The following SPRED2 variants were observed in gnomAD, a reference collection of about 807,000 sequenced individuals.
The protein encoded by SPRED2 is sprouty-related, EVH1 domain-containing protein 2.
In SPRED2, 47 loss-of-function variants were observed where a neutral mutation model predicts 43.0. That is an observed-to-expected ratio of 1.09 (90% confidence interval 0.87 to 1.40). The LOEUF (loss-of-function observed/expected upper bound fraction) is 1.40. Among genes scored for constraint, SPRED2 ranks in the 40% most tolerant of loss-of-function variants. The pLI, the probability that SPRED2 is intolerant of heterozygous loss-of-function variation, is 0.00. For synonymous variants in SPRED2, 225 were observed against 225.7 expected, an observed-to-expected ratio of 1.00 and a Z score of 0.03; for missense variants, 561 against 586.4, an observed-to-expected ratio of 0.96 and a Z score of 0.45.
chr2:65,314,216 A>G (rs970569398), intron 5 of SPRED2, 47 bp from the exon 6 acceptor site: 11 of 1,509,888 alleles, frequency 7.3e-6, no homozygotes, highest in Middle Eastern at 1.8e-4. Context: ...CGGCCAAAAA[A>G]CAAACAAACA....
intron 5 of SPRED2, among the ~76,000 whole-genome samples, chr2:65,316,483 T>TCTATAAC (rs1673236873): frequency 6.6e-6 from 1 of 152,208 alleles, no homozygotes; most frequent in South Asian, 2.1e-4. Context: ...AAGACTTGCC[T>TCTATAAC]TGTGGGGCAG....
At chr2:65,350,791 C>T (rs981797972) in intron 1 of SPRED2, among the ~76,000 whole-genome samples, 4 of 152,204 alleles carry the variant, frequency 2.6e-5, no homozygotes, top group African/African-American at 9.7e-5. Flanking sequence ...AAGCAGGCCC[C>T]GTCTGGGCCA....
At chr2:65,399,322 C>T (rs375358398) in intron 1 of SPRED2, among the ~76,000 whole-genome samples, 129 of 149,168 alleles carry the variant, frequency 8.6e-4, no homozygotes, top group African/African-American at 3.1e-3. Context: ...ACTACTCAGT[C>T]ATAAAAACGA....
chr2:65,429,351 T>C (rs909616919), intron 1 of SPRED2, among the ~76,000 whole-genome samples: 2 of 152,230 alleles, frequency 1.3e-5, no homozygotes, highest in Non-Finnish European at 1.5e-5. Context: ...TAGCAAACCC[T>C]GCCTGGTTCC....
intron 2 of SPRED2, among the ~76,000 whole-genome samples, chr2:65,337,936 G>T (rs1674014963): frequency 1.3e-5 from 2 of 152,146 alleles, no homozygotes; most frequent in Non-Finnish European, 2.9e-5. Context: ...ATATTAATGA[G>T]TCAGTGGCGA....
intron 1 of SPRED2, among the ~76,000 whole-genome samples, chr2:65,374,947 C>T (rs996316037): frequency 6.6e-6 from 1 of 152,280 alleles, no homozygotes; most frequent in South Asian, 2.1e-4. Context: ...GGGAGAGAAG[C>T]GGGTATCCAA....
chr2:65,318,760 C>T (rs1252705157), intron 4 of SPRED2, among the ~76,000 whole-genome samples: 2 of 152,116 alleles, frequency 1.3e-5, no homozygotes, highest in African/African-American at 4.8e-5. Flanking sequence ...GATCCCCCTG[C>T]TTCAGCCTCC....
At chr2:65,419,054 G>C (rs757655610) in intron 1 of SPRED2, among the ~76,000 whole-genome samples, 9 of 152,068 alleles carry the variant, frequency 5.9e-5, no homozygotes. Context: ...TCTTGCTCAA[G>C]GCCACACAGC....
intron 4 of SPRED2, among the ~76,000 whole-genome samples, chr2:65,317,537 CAACAACAACAACAACAACAACAAA>C (rs1220791550): frequency 2.8e-5 from 4 of 142,488 alleles, no homozygotes; most frequent in African/African-American, 8.2e-5. Context: ...ACAACAACAA[CAACAACAACAACAACAACAACAAA>C]AACAAAACAT....
intron 1 of SPRED2, among the ~76,000 whole-genome samples, chr2:65,406,201 A>G (rs1214719315): frequency 6.6e-6 from 1 of 152,218 alleles, no homozygotes; most frequent in Admixed American, 6.5e-5. Context: ...TCAGAGCCAC[A>G]AAGACCCTGC....
chr2:65,343,686 C>T (rs1295294007), intron 2 of SPRED2, among the ~76,000 whole-genome samples: 1 of 152,126 alleles, frequency 6.6e-6, no homozygotes, highest in African/African-American at 2.4e-5. Flanking sequence ...GAATTTAAAA[C>T]AGATTTTGGA....
At chr2:65,428,890 C>T (rs1676614060) in intron 1 of SPRED2, among the ~76,000 whole-genome samples, 2 of 152,216 alleles carry the variant, frequency 1.3e-5, no homozygotes, top group African/African-American at 4.8e-5. Flanking sequence ...TTTTCCAACC[C>T]TATGCACAGA....
intron 1 of SPRED2, among the ~76,000 whole-genome samples, chr2:65,359,773 C>A (rs1674750948): frequency 1.3e-5 from 2 of 151,850 alleles, no homozygotes; most frequent in Admixed American, 6.6e-5. Flanking sequence ...ACCAAAAATG[C>A]AAAAAATTGG....
At chr2:65,373,997 G>A (rs1283166338) in intron 1 of SPRED2, 1 of 152,138 alleles carries the variant, frequency 6.6e-6, no homozygotes, top group Non-Finnish European at 1.5e-5. Flanking sequence ...CTAGGCAGAC[G>A]AATGTAAGAG....
intron 1 of SPRED2, among the ~76,000 whole-genome samples, chr2:65,405,097 T>C (rs1483577157): frequency 1.3e-5 from 2 of 152,248 alleles, no homozygotes; most frequent in African/African-American, 4.8e-5. Context: ...TTTTCTTATG[T>C]GCCAAGCATT....
chr2:65,367,748 A>C (rs1291723521), intron 1 of SPRED2, among the ~76,000 whole-genome samples: 1 of 152,192 alleles, frequency 6.6e-6, no homozygotes, highest in Non-Finnish European at 1.5e-5. Flanking sequence ...TTCATGGCTC[A>C]GTGTTAACGT....
chr2:65,320,304 A>C (rs1673372942), intron 4 of SPRED2, among the ~76,000 whole-genome samples: 1 of 152,176 alleles, frequency 6.6e-6, no homozygotes, highest in African/African-American at 2.4e-5. Context: ...TCATCTGTTC[A>C]CCCTAACTCA....
At chr2:65,418,708 C>G (rs766046797) in intron 1 of SPRED2, among the ~76,000 whole-genome samples, 3 of 152,010 alleles carry the variant, frequency 2.0e-5, no homozygotes, top group Non-Finnish European at 4.4e-5. Context: ...TGCACGCCAC[C>G]ACGCCCAGCT....
At chr2:65,377,504 G>A (rs568837406) in intron 1 of SPRED2, 160 of 457,220 alleles carry the variant, frequency 3.5e-4, no homozygotes, top group Middle Eastern at 2.3e-3. Flanking sequence ...AAGCTGCAGC[G>A]TCTGACTCTA....
Sources: gnomAD v4.1 joint callset for allele counts (sites outside exome capture counted in the v4.1 genomes callset) on GRCh38, gnomAD v4.1.1 for gene constraint, MANE v1.5 for transcripts, NCBI Gene and HGNC (gene_info 2026-07-23, HGNC 2026-07-21) for gene names.